CDYL: variants seen among roughly 807,000 people sequenced by gnomAD.
CDYL encodes the protein chromodomain Y like, also known as chromodomain Y-like protein.
Under a neutral mutation model 47.3 loss-of-function variants are expected in CDYL, and 8 were observed. The observed-to-expected ratio is 0.17, with a 90% CI of 0.10 to 0.31. CDYL has a LOEUF of 0.31. Ranked by LOEUF, CDYL falls within the 10% of genes least tolerant of loss-of-function variation. CDYL has a pLI of 1.00. For synonymous variants in CDYL, 266 were observed against 265.0 expected, an observed-to-expected ratio of 1.00 and a Z score of -0.04; for missense variants, 471 against 701.4, an observed-to-expected ratio of 0.67 and a Z score of 3.71.
intron 1 of CDYL, among the ~76,000 whole-genome samples, chr6:4,712,024 C>T (rs1259822016): frequency 6.6e-6 from 1 of 152,086 alleles, no homozygotes; most frequent in Non-Finnish European, 1.5e-5. Flanking sequence ...ATAACCACGC[C>T]ACTGCACTCC....
At chr6:4,886,191 G>C (rs973095581) in intron 1 of CDYL, among the ~76,000 whole-genome samples, 3 of 152,180 alleles carry the variant, frequency 2.0e-5, no homozygotes, top group African/African-American at 7.2e-5. Flanking sequence ...ATTATAAACA[G>C]TGCTGCTATG....
In CDYL at chr6:4,776,715, A is replaced by G; in HGVS notation, c.-69A>G. ...GCCACGCAGGACCCAACTGAAACAA[A>G]GTGTCGGCCGCCCGGCGCCGGCGCC... is the stretch of plus-strand genomic sequence containing the variant. On this transcript the variant is annotated 5_prime_UTR_variant, in exon 1 of 7. Transcript: ENST00000397588. The G allele has an allele frequency of 7.9e-7, 1 of 1,262,188 alleles. No homozygotes were observed. Among genetic ancestry groups the G allele is most frequent in the Non-Finnish European group, 1.0e-6 (1 of 979,438 alleles). 78.2% of individuals were successfully genotyped at this position (1,262,188 alleles called of 1,614,324 possible). A position where few individuals can be genotyped will look rare whatever the true frequency, so the allele number is the denominator to read the frequency against.
chr6:4,764,844 C>A (rs890297452), intron 3 of CDYL, among the ~76,000 whole-genome samples: 2 of 148,786 alleles, frequency 1.3e-5, no homozygotes, highest in African/African-American at 5.1e-5. Flanking sequence ...TAAAATACAG[C>A]AAAATTAAAC....
At chr6:4,793,963 A>C (rs1759000676) in intron 1 of CDYL, among the ~76,000 whole-genome samples, 1 of 151,880 alleles carries the variant, frequency 6.6e-6, no homozygotes. Context: ...TGGATTTTAG[A>C]TGTGTCGAGT....
At chr6:4,831,652 C>G (rs1760147615) in intron 1 of CDYL, among the ~76,000 whole-genome samples, 1 of 152,062 alleles carries the variant, frequency 6.6e-6, no homozygotes, top group African/African-American at 2.4e-5. Context: ...GGCATTGAAT[C>G]TATAAATTAC....
At chr6:4,761,899 G>A (rs1203727424) in intron 3 of CDYL, among the ~76,000 whole-genome samples, 1 of 152,140 alleles carries the variant, frequency 6.6e-6, no homozygotes, top group Non-Finnish European at 1.5e-5. Context: ...AGAAAGCTGG[G>A]GGAAAAGCAT....
At chr6:4,776,241 C>G (rs1489685389), upstream of CDYL, among the ~76,000 whole-genome samples, 3 of 143,578 alleles carry the variant, frequency 2.1e-5, no homozygotes, top group Admixed American at 6.8e-5. Flanking sequence ...GCCGGCCGCC[C>G]GCCTCGGCCC....
Position 4,881,074 on chromosome 6 carries a change from T to C in CDYL, c.25-10639T>C, listed in dbSNP as rs766055995. 4.7e-4 allele frequency among the ~76,000 whole-genome samples: 71 copies of C among 152,322 alleles called. 1 individual carries two copies. The Middle Eastern group carries it at 0.014, about 29-fold the overall frequency. On this transcript the variant is annotated intron_variant, in intron 1 of 6. Coordinates refer to ENST00000397588, the MANE Select transcript of CDYL (RefSeq NM_004824.4). The stretch of plus-strand genomic sequence containing the variant: ...TATGTGGCATCATTTGTAGATAGCA[T>C]GTACTTGGGTTCTGTGTGTGTGTGT...
chr6:4,863,738 T>C (rs1411680039), intron 1 of CDYL, among the ~76,000 whole-genome samples: 1 of 152,256 alleles, frequency 6.6e-6, no homozygotes, highest in East Asian at 1.9e-4. Flanking sequence ...TTGCAGAAGC[T>C]GAGACATATT....
At chr6:4,889,072 T>C (rs1266517460) in intron 1 of CDYL, among the ~76,000 whole-genome samples, 2 of 152,290 alleles carry the variant, frequency 1.3e-5, no homozygotes, top group East Asian at 1.9e-4. Context: ...TGCAGAGTTA[T>C]CTCCTTGTCA....
chr6:4,776,148 G>T (rs935966902), upstream of CDYL, among the ~76,000 whole-genome samples: 1 of 71,636 alleles, frequency 1.4e-5, no homozygotes, highest in African/African-American at 5.3e-5. Context: ...TCGGAGCCCC[G>T]CCCACCACCC....
chr6:4,887,928 G>GT (rs1761941933), intron 1 of CDYL, among the ~76,000 whole-genome samples: 1 of 149,004 alleles, frequency 6.7e-6, no homozygotes, highest in Non-Finnish European at 1.5e-5. Context: ...TTTCTCAGGT[G>GT]TTTTTTCTGC....
intron 3 of CDYL, among the ~76,000 whole-genome samples, chr6:4,756,571 A>T (rs1051133534): frequency 2.3e-5 from 3 of 130,134 alleles, no homozygotes; most frequent in Admixed American, 7.3e-5. Flanking sequence ...AATTAAAATT[A>T]TCGTGTGTAT....
chr6:4,725,974 C>G (rs11755832), intron 2 of CDYL, among the ~76,000 whole-genome samples: 5 of 152,348 alleles, frequency 3.3e-5, no homozygotes, highest in Admixed American at 1.3e-4. Context: ...CTGCATTTAT[C>G]TGTTGTCTAC....
intron 1 of CDYL, among the ~76,000 whole-genome samples, chr6:4,864,159 T>C (rs1706895128): frequency 6.6e-6 from 1 of 152,168 alleles, no homozygotes; most frequent in Non-Finnish European, 1.5e-5. Flanking sequence ...TAAAATATGA[T>C]TCAAGAAACA....
At chr6:4,803,686 CG>C (rs1759288526) in intron 1 of CDYL, among the ~76,000 whole-genome samples, 1 of 151,298 alleles carries the variant, frequency 6.6e-6, no homozygotes, top group Non-Finnish European at 1.5e-5. Flanking sequence ...AGCATCAGCA[CG>C]TGGCCTCGGG....
At chr6:4,843,005 G>A (rs188779881) in intron 1 of CDYL, among the ~76,000 whole-genome samples, 14 of 152,200 alleles carry the variant, frequency 9.2e-5, no homozygotes, top group African/African-American at 3.1e-4. Flanking sequence ...GCTTGGTATT[G>A]GCAGATTCTC....
intron 2 of CDYL, among the ~76,000 whole-genome samples, chr6:4,904,637 T>G (rs921238436): frequency 6.6e-6 from 1 of 152,218 alleles, no homozygotes; most frequent in Non-Finnish European, 1.5e-5. Flanking sequence ...AAAAAGAACT[T>G]TTTTTAATGG....
chr6:4,814,510 A>G lies in CDYL; in HGVS notation c.24+37703A>G, dbSNP rs1020597359. 2.6e-5 allele frequency among the ~76,000 whole-genome samples: 4 copies of G among 152,058 alleles called. 1 individual carries two copies. The South Asian group carries it at 8.3e-4, about 32-fold the overall frequency. On this transcript the variant is annotated intron_variant, in intron 1 of 6. Transcript: ENST00000397588. Reference sequence around the variant, plus strand: ...TATTAGAAAAGTAGAGTTTACAGACAAATTTAGTATTTTGTTATTGTTGTT... The same window carrying G: ...TATTAGAAAAGTAGAGTTTACAGACGAATTTAGTATTTTGTTATTGTTGTT...
Sources: allele counts gnomAD v4.1 joint callset (sites outside exome capture counted in the v4.1 genomes callset), GRCh38; gene constraint gnomAD v4.1.1; transcripts MANE v1.5; gene names NCBI Gene and HGNC (gene_info 2026-07-23, HGNC 2026-07-21).